PRH1: variants seen among roughly 807,000 people sequenced by gnomAD.
PRH1 encodes salivary acidic proline-rich phosphoprotein 1/2.
In PRH1, 7 loss-of-function variants were observed where a neutral mutation model predicts 7.9. The ratio of observed to expected loss-of-function variants is 0.89; its 90% CI spans 0.50 to 1.67. The LOEUF (loss-of-function observed/expected upper bound fraction) is 1.67. PRH1 is among the 40% of genes most tolerant of loss of function. The pLI is 0.00. For synonymous variants in PRH1, 45 were observed against 80.8 expected, an observed-to-expected ratio of 0.56 and a Z score of 2.38; for missense variants, 109 against 223.6, an observed-to-expected ratio of 0.49 and a Z score of 3.27.
At chr12:10,933,386 GATTTATA>G (rs1366620877) in intron 2 of PRH1, among the ~76,000 whole-genome samples, 10 of 151,832 alleles carry the variant, frequency 6.6e-5, no homozygotes, top group African/African-American at 2.4e-4. Flanking sequence ...TTAGTATGCT[GATTTATA>G]CAAAATGCTG....
chr12:10,910,647 AC>A (rs1949885064), intron 2 of PRH1, among the ~76,000 whole-genome samples: 2 of 151,970 alleles, frequency 1.3e-5, no homozygotes, highest in South Asian at 4.2e-4. Context: ...AAGGTTCCTC[AC>A]CCCGCCCCAC....
chr12:11,050,950 C>A (rs898315294), upstream of PRH1, among the ~76,000 whole-genome samples: 2 of 152,008 alleles, frequency 1.3e-5, no homozygotes, highest in African/African-American at 4.9e-5. Context: ...CAGCCTAAAT[C>A]AGCCAAAGTA....
intron 1 of PRH1, among the ~76,000 whole-genome samples, chr12:11,068,962 C>T (rs1409878908): frequency 2.9e-5 from 4 of 136,652 alleles, no homozygotes; most frequent in Non-Finnish European, 6.6e-5. Flanking sequence ...AACTGGAGTG[C>T]AGTGGTTTCG....
chr12:11,006,066 T>A (rs1013631509), intron 1 of PRH1: 3 of 152,090 alleles, frequency 2.0e-5, no homozygotes, highest in African/African-American at 7.2e-5. Context: ...ACAGTATAAT[T>A]GTTTCTAAGA....
chr12:11,073,807 G>A (rs2136215615), intron 1 of PRH1, among the ~76,000 whole-genome samples: 1 of 152,306 alleles, frequency 6.6e-6, no homozygotes, highest in Admixed American at 6.5e-5. Context: ...CTCTGTGCCT[G>A]TCTCCATCAA....
intron 2 of PRH1, among the ~76,000 whole-genome samples, chr12:10,904,497 C>G (rs938962024): frequency 6.6e-6 from 1 of 152,102 alleles, no homozygotes; most frequent in African/African-American, 2.4e-5. Flanking sequence ...TAAACTGAAC[C>G]TTTACCTTTC....
At chr12:10,962,394 T>C (rs1938279064) in intron 2 of PRH1, among the ~76,000 whole-genome samples, 1 of 152,192 alleles carries the variant, frequency 6.6e-6, no homozygotes, top group Non-Finnish European at 1.5e-5. Flanking sequence ...ATATGCTGTT[T>C]TGAAGGTATT....
At chr12:11,145,510 G>T (rs954009322) in intron 1 of PRH1, among the ~76,000 whole-genome samples, 1 of 152,084 alleles carries the variant, frequency 6.6e-6, no homozygotes, top group African/African-American at 2.4e-5. Context: ...TCTAAAAAAT[G>T]AAATTGTTCC....
At chr12:11,161,926 A>T (rs1324665009) in intron 1 of PRH1, among the ~76,000 whole-genome samples, 2 of 152,238 alleles carry the variant, frequency 1.3e-5, no homozygotes, top group Admixed American at 1.3e-4. Context: ...GGTAAGATGG[A>T]ACTGACCAGA....
At chr12:11,009,739 G>A (rs1940985269) in intron 1 of PRH1, among the ~76,000 whole-genome samples, 1 of 151,908 alleles carries the variant, frequency 6.6e-6, no homozygotes, top group Admixed American at 6.6e-5. Context: ...CTTGTCTGTT[G>A]CTGGGTCCTC....
At chr12:10,980,117 AAAGT>A (rs1382316518) in intron 1 of PRH1, among the ~76,000 whole-genome samples, 1 of 152,190 alleles carries the variant, frequency 6.6e-6, no homozygotes. Flanking sequence ...ACTTACCTAA[AAAGT>A]AAGAGCCAAA....
chr12:11,133,955 C>A, intron 1 of PRH1: 2 of 1,614,090 alleles, frequency 1.2e-6, no homozygotes, highest in Non-Finnish European at 1.7e-6. Context: ...AGTAGCAAGC[C>A]AGCTGCTGAA....
chr12:11,065,309 T>C (rs1249555181), intron 1 of PRH1, among the ~76,000 whole-genome samples: 1 of 152,138 alleles, frequency 6.6e-6, no homozygotes, highest in Non-Finnish European at 1.5e-5. Context: ...GTTTTAGTTA[T>C]CTTGTCTGAA....
chr12:10,944,426 A>G (rs116852574), intron 2 of PRH1, among the ~76,000 whole-genome samples: 3,010 of 152,248 alleles, frequency 0.02, 35 homozygotes, highest in South Asian at 0.031. Context: ...GTATCCTGCA[A>G]CTTTTCTGAA....
intron 1 of PRH1, among the ~76,000 whole-genome samples, chr12:11,168,396 G>GGA (rs371874292): frequency 2.5e-5 from 1 of 39,484 alleles, no homozygotes; most frequent in African/African-American, 7.0e-5. Context: ...AAGAAAGAAA[G>GGA]AAAGAAAGAA....
At chr12:11,078,333 G>C in intron 1 of PRH1, 1 of 263,834 alleles carries the variant, frequency 3.8e-6, no homozygotes, top group Non-Finnish European at 7.6e-6. Context: ...ATAAACACTT[G>C]ATTACTAAAT....
chr12:11,090,133 A>C (rs1425685839), intron 1 of PRH1, among the ~76,000 whole-genome samples: 1 of 116,188 alleles, frequency 8.6e-6, no homozygotes, highest in African/African-American at 2.9e-5. Context: ...CTTTCTTATA[A>C]TAGAACTTCC....
chr12:10,909,672 G>C (rs1949866690), intron 2 of PRH1: 2 of 190,744 alleles, frequency 1.0e-5, no homozygotes, highest in African/African-American at 4.7e-5. Flanking sequence ...TCTGAGCATA[G>C]AAAATTAGAT....
chr12:11,074,179 G>A (rs371801519), intron 1 of PRH1, among the ~76,000 whole-genome samples: 29,719 of 102,722 alleles, frequency 0.29, 6,836 homozygotes, highest in Non-Finnish European at 0.36. Flanking sequence ...TCTTGTAACA[G>A]AAAAGCTTAG....
Sources: allele counts gnomAD v4.1 joint callset (sites outside exome capture counted in the v4.1 genomes callset), GRCh38; gene constraint gnomAD v4.1.1; transcripts MANE v1.5; gene names NCBI Gene and HGNC (gene_info 2026-07-23, HGNC 2026-07-21).